Variants in HNF4G observed in about 807,000 individuals in gnomAD.
HNF4G encodes the protein hepatocyte nuclear factor 4-gamma.
Under a neutral mutation model 50.9 loss-of-function variants are expected in HNF4G, and 21 were observed. The ratio of observed to expected loss-of-function variants is 0.41; its 90% CI spans 0.29 to 0.59. HNF4G has a LOEUF of 0.59. HNF4G is among the 20% of genes least tolerant of loss of function. The pLI is 0.26. For missense variants in HNF4G, 527 were observed against 559.4 expected (o/e 0.94, Z 0.58); for synonymous variants, 198 against 185.6 (o/e 1.07, Z -0.54).
intron 1 of HNF4G, among the ~76,000 whole-genome samples, chr8:75,460,601 AT>A (rs1442242980): frequency 6.6e-6 from 1 of 152,192 alleles, no homozygotes; most frequent in Non-Finnish European, 1.5e-5. Context: ...ATAGGACAAT[AT>A]TATGTGGGTG....
chr8:75,437,546 C>A (rs982503277), intron 1 of HNF4G, among the ~76,000 whole-genome samples: 3 of 152,086 alleles, frequency 2.0e-5, no homozygotes, highest in Non-Finnish European at 4.4e-5. Flanking sequence ...TTAAAATTTC[C>A]AGTCTTTTAT....
intron 1 of HNF4G, among the ~76,000 whole-genome samples, chr8:75,442,851 G>T (rs1270637884): frequency 1.3e-5 from 2 of 152,108 alleles, no homozygotes; most frequent in African/African-American, 4.8e-5. Context: ...CTGTGAGTCT[G>T]CCAGAACAAC....
chr8:75,409,480 C>CTT (rs5892492), intron 1 of HNF4G, among the ~76,000 whole-genome samples: 5,580 of 67,338 alleles, frequency 0.083, 457 homozygotes, highest in East Asian at 0.12. Flanking sequence ...GTGCCTTGTT[C>CTT]TTTTTTTTTT....
rs114021343 is a variant in HNF4G at position 75,520,855 on chromosome 8, A to C, written c.-23-22956A>C. On this transcript the variant is annotated intron_variant, in intron 2 of 10. Transcript: ENST00000354370. ...CTTGCTTATTTTTCTGACAAAACTT[A>C]TTTTTCTATAAAGGTAGCTTACTTT... Among the ~76,000 whole-genome samples, 902 of 152,068 alleles carry C rather than the reference A, an allele frequency of 5.9e-3. 7 individuals are homozygous for C. Among genetic ancestry groups the C allele is most frequent in the African/African-American group, 0.019 (797 of 41,498 alleles).
At chr8:75,516,671 A>C (rs1805896549) in intron 2 of HNF4G, among the ~76,000 whole-genome samples, 1 of 152,196 alleles carries the variant, frequency 6.6e-6, no homozygotes, top group Non-Finnish European at 1.5e-5. Flanking sequence ...GAAGAATTCA[A>C]CTGTTATTGT....
chr8:75,447,759 C>T (rs1338785363), intron 1 of HNF4G, among the ~76,000 whole-genome samples: 2 of 142,230 alleles, frequency 1.4e-5, no homozygotes, highest in African/African-American at 5.2e-5. Flanking sequence ...GTTAGAATGG[C>T]AATCATTAAA....
At chr8:75,479,959 A>G (rs1812335995) in intron 1 of HNF4G, among the ~76,000 whole-genome samples, 1 of 146,942 alleles carries the variant, frequency 6.8e-6, no homozygotes. Flanking sequence ...TTTATGATTT[A>G]TATAACAGGA....
intron 2 of HNF4G, among the ~76,000 whole-genome samples, chr8:75,500,726 T>G (rs1409665192): frequency 6.6e-6 from 1 of 152,156 alleles, no homozygotes; most frequent in East Asian, 1.9e-4. Flanking sequence ...TGGATTAGCC[T>G]TGAAAACATT....
In HNF4G at chr8:75,558,955, G is replaced by T; in HGVS notation, c.1041G>T (p.Trp347Cys). The change falls in exon 8 of 10, where the codon TGG (tryptophan) becomes TGT (cysteine). Residue 347 changes from tryptophan (W) to cysteine (C), a missense_variant. Physicochemically the swap from Trp to Cys is radical, Grantham distance 215. Coordinates refer to ENST00000396423, the MANE Select transcript of HNF4G (RefSeq NM_004133.5). ...TGCCCACACTGCAGAGCATCACGTG[G>T]CAAATGATTGAGCAAATACAGTTTG... Reference protein sequence around the residue: ...LLLPTLQSITWQMIEQIQFVK... With the variant: ...LLLPTLQSITCQMIEQIQFVK... 2 of 1,614,024 alleles carry T rather than the reference G, an allele frequency of 1.2e-6. No individual in the cohort carries two copies. The highest frequency in any genetic ancestry group is 1.7e-6 in the Non-Finnish European group (2 of 1,179,942).
At chr8:75,410,686 C>A (rs1054253202) in intron 1 of HNF4G, among the ~76,000 whole-genome samples, 1 of 152,138 alleles carries the variant, frequency 6.6e-6, no homozygotes, top group Non-Finnish European at 1.5e-5. Context: ...AAGATTCACA[C>A]CCCTAGGGCA....
intron 2 of HNF4G, among the ~76,000 whole-genome samples, chr8:75,545,036 T>A (rs1462163557): frequency 2.0e-5 from 3 of 152,168 alleles, no homozygotes; most frequent in Non-Finnish European, 4.4e-5. Flanking sequence ...TTGCCCACTT[T>A]AAAAACTTTC....
At chr8:75,476,362 A>C (rs1812240937) in intron 1 of HNF4G, among the ~76,000 whole-genome samples, 2 of 152,132 alleles carry the variant, frequency 1.3e-5, no homozygotes, top group African/African-American at 2.4e-5. Flanking sequence ...GGTTGATTCC[A>C]TGACTTTGCT....
intron 1 of HNF4G, among the ~76,000 whole-genome samples, chr8:75,468,098 A>G (rs1294862196): frequency 6.6e-6 from 1 of 152,238 alleles, no homozygotes; most frequent in Non-Finnish European, 1.5e-5. Context: ...AGGAAATGAT[A>G]GTTAAAAAGA....
intron 2 of HNF4G, among the ~76,000 whole-genome samples, chr8:75,510,798 A>G (rs1805731354): frequency 6.6e-6 from 1 of 152,094 alleles, no homozygotes. Flanking sequence ...CATAGTTAAC[A>G]TATCTCCTGT....
intron 1 of HNF4G, among the ~76,000 whole-genome samples, chr8:75,420,689 CT>C: frequency 6.6e-6 from 1 of 152,242 alleles, no homozygotes; most frequent in Non-Finnish European, 1.5e-5. Context: ...GTACAGGTGT[CT>C]TTTTTCATAT....
At chr8:75,425,706 T>A (rs1430708003) in intron 1 of HNF4G, among the ~76,000 whole-genome samples, 1 of 151,668 alleles carries the variant, frequency 6.6e-6, no homozygotes, top group African/African-American at 2.4e-5. Context: ...AAGATTAATT[T>A]CGCCTATTTT....
At chr8:75,491,634 G>A (rs1306972213) in intron 2 of HNF4G, among the ~76,000 whole-genome samples, 1 of 151,888 alleles carries the variant, frequency 6.6e-6, no homozygotes, top group African/African-American at 2.4e-5. Flanking sequence ...TGCCACCACA[G>A]CCAGCTAATT....
chr8:75,546,052 G>T lies in HNF4G; in HGVS notation c.288-1535G>T, dbSNP rs544150189. 3.7e-4 allele frequency among the ~76,000 whole-genome samples: 56 copies of T among 152,006 alleles called. 1 individual carries two copies. Among genetic ancestry groups the T allele is most frequent in the Admixed American group, 6.6e-4 (10 of 15,254 alleles). On this transcript the variant is annotated intron_variant, in intron 2 of 9. Coordinates refer to ENST00000396423, the MANE Select transcript of HNF4G (RefSeq NM_004133.5). Reference sequence around the variant, plus strand: ...TCTCATTCAATTTTAAGTGGACACCGATAGTTTTTAGAAGAAGTACATTTT... The same window carrying T: ...TCTCATTCAATTTTAAGTGGACACCTATAGTTTTTAGAAGAAGTACATTTT...
chr8:75,558,919 G>A lies in HNF4G; in HGVS notation c.1005G>A (p.Leu335=). 1.2e-6 allele frequency: 2 copies of A among 1,614,034 alleles called. No homozygotes were observed. Among genetic ancestry groups the A allele is most frequent in the South Asian group, 2.2e-5 (2 of 91,076 alleles). ...QYDSRGRFGE[L]LLLLPTLQSI... Reference sequence around the variant, plus strand: ...ACTCCCGGGGGAGGTTTGGAGAGTTGCTTCTGCTCCTGCCCACACTGCAGA... The same window carrying A: ...ACTCCCGGGGGAGGTTTGGAGAGTTACTTCTGCTCCTGCCCACACTGCAGA... Residue 335 remains leucine (L), a synonymous_variant, in exon 8 of 10, where the codon TTG becomes TTA. Transcript: ENST00000396423.
Sources: allele counts gnomAD v4.1 joint callset (sites outside exome capture counted in the v4.1 genomes callset), GRCh38; gene constraint gnomAD v4.1.1; transcripts MANE v1.5; gene names NCBI Gene and HGNC (gene_info 2026-07-23, HGNC 2026-07-21).